Variants in NCOA2 observed in about 807,000 individuals in gnomAD.
NCOA2 encodes the protein class E basic helix-loop-helix protein 75.
Under a neutral mutation model 145.1 loss-of-function variants are expected in NCOA2, and 21 were observed. The observed-to-expected ratio is 0.14, with a 90% CI of 0.10 to 0.21. The LOEUF (loss-of-function observed/expected upper bound fraction) is 0.21, where lower values mean the gene tolerates loss of function less well. Among genes scored for constraint, NCOA2 ranks in the 10% least tolerant of loss-of-function variants. The pLI is 1.00. For missense variants in NCOA2, 1,472 were observed against 1,837.6 expected (o/e 0.80, Z 3.64); for synonymous variants, 619 against 637.5 (o/e 0.97, Z 0.44).
intron 1 of NCOA2, among the ~76,000 whole-genome samples, chr8:70,393,498 C>T (rs571824930): frequency 4.8e-4 from 73 of 152,260 alleles, no homozygotes; most frequent in Non-Finnish European, 9.3e-4. Flanking sequence ...CTTCCCTCCC[C>T]ACCAAAGGTC....
At chr8:70,249,982 AGAAGAAG>A (rs1822997478) in intron 2 of NCOA2, among the ~76,000 whole-genome samples, 1 of 148,098 alleles carries the variant, frequency 6.8e-6, no homozygotes, top group Non-Finnish European at 1.5e-5. Flanking sequence ...AAAAAAAAGA[AGAAGAAG>A]AAGAAGAAGA....
At chr8:70,304,323 G>A (rs1827717328) in intron 1 of NCOA2, among the ~76,000 whole-genome samples, 1 of 152,108 alleles carries the variant, frequency 6.6e-6, no homozygotes, top group South Asian at 2.1e-4. Context: ...ATAGTAACAT[G>A]CTACACAGGT....
chr8:70,374,621 A>T (rs1366759731), intron 1 of NCOA2, among the ~76,000 whole-genome samples: 3 of 151,932 alleles, frequency 2.0e-5, no homozygotes, highest in Non-Finnish European at 2.9e-5. Context: ...TGGGAAACAA[A>T]TCCAGACCCC....
intron 4 of NCOA2, among the ~76,000 whole-genome samples, chr8:70,194,676 C>CTTTTTTTTTTT (rs199803538): frequency 3.6e-5 from 4 of 109,892 alleles, no homozygotes; most frequent in Non-Finnish European, 5.8e-5. Context: ...CTTTTATCTT[C>CTTTTTTTTTTT]TTTTTTTTTT....
At chr8:70,334,058 A>G (rs1023937698) in intron 1 of NCOA2, among the ~76,000 whole-genome samples, 2 of 152,088 alleles carry the variant, frequency 1.3e-5, no homozygotes, top group Non-Finnish European at 2.9e-5. Flanking sequence ...AATTCACTCT[A>G]CATACTGCTA....
chr8:70,217,132 G>C (rs939981969), intron 2 of NCOA2, among the ~76,000 whole-genome samples: 1 of 152,196 alleles, frequency 6.6e-6, no homozygotes, highest in African/African-American at 2.4e-5. Context: ...TACAGGTGTT[G>C]TAAGGGGCTC....
At chr8:70,226,796 T>C (rs944854480) in intron 2 of NCOA2, among the ~76,000 whole-genome samples, 8 of 152,020 alleles carry the variant, frequency 5.3e-5, no homozygotes, top group East Asian at 1.9e-4. Context: ...TTTAACTATA[T>C]GGACTTCTCA....
At chr8:70,191,913 C>T (rs542183521) in intron 4 of NCOA2, among the ~76,000 whole-genome samples, 3 of 151,968 alleles carry the variant, frequency 2.0e-5, no homozygotes, top group Admixed American at 2.0e-4. Context: ...TGGTGGAAGG[C>T]GCCTGTAATC....
At chr8:70,329,062 C>G (rs1158148083) in intron 1 of NCOA2, among the ~76,000 whole-genome samples, 1 of 151,946 alleles carries the variant, frequency 6.6e-6, no homozygotes, top group African/African-American at 2.4e-5. Context: ...TCAAATAATC[C>G]TCCTGCCTCA....
At chr8:70,144,579 GGATA>G in intron 13 of NCOA2, 59 bp downstream of exon 13, 1 of 1,346,000 alleles carries the variant, frequency 7.4e-7, no homozygotes, top group Non-Finnish European at 1.1e-6. Flanking sequence ...AGTTTGATGT[GGATA>G]AATATACCAT....
At chr8:70,277,328 T>C (rs535574557) in intron 2 of NCOA2, among the ~76,000 whole-genome samples, 1 of 152,284 alleles carries the variant, frequency 6.6e-6, no homozygotes, top group East Asian at 1.9e-4. Context: ...ATCTCTTGCC[T>C]TTTCTGTTTT....
chr8:70,393,648 G>C (rs985002499), intron 1 of NCOA2, among the ~76,000 whole-genome samples: 9 of 152,134 alleles, frequency 5.9e-5, no homozygotes, highest in Admixed American at 5.9e-4. Flanking sequence ...CACATGTAGG[G>C]CCAGGCCAGG....
the NCOA2 span, among the ~76,000 whole-genome samples, chr8:70,428,848 C>T: frequency 7.9e-6 from 1 of 126,338 alleles, no homozygotes; most frequent in African/African-American, 3.1e-5. Context: ...AACATGTGCC[C>T]ATGCCGAGCT....
At chr8:70,441,124 G>A in the NCOA2 span, among the ~76,000 whole-genome samples, 1 of 2,944 alleles carries the variant, frequency 3.4e-4, no homozygotes, top group South Asian at 0.014. Context: ...GAAAGAAAGA[G>A]AAAGAAAGAA....
At chr8:70,356,062 T>G (rs1287281996) in intron 1 of NCOA2, among the ~76,000 whole-genome samples, 1 of 152,216 alleles carries the variant, frequency 6.6e-6, no homozygotes, top group East Asian at 1.9e-4. Context: ...ATTTTCATAC[T>G]TCTCAGACTA....
chr8:70,404,388 C>G (rs1394977201), upstream of NCOA2, among the ~76,000 whole-genome samples: 1 of 152,144 alleles, frequency 6.6e-6, no homozygotes. Flanking sequence ...GAGCCGAGTT[C>G]CAGGGTCGCC....
intron 2 of NCOA2, among the ~76,000 whole-genome samples, chr8:70,225,604 A>G (rs947729203): frequency 3.3e-5 from 5 of 151,946 alleles, no homozygotes; most frequent in Non-Finnish European, 7.4e-5. Flanking sequence ...AAGAGAAGAA[A>G]AACAAGGCAG....
intron 2 of NCOA2, among the ~76,000 whole-genome samples, chr8:70,268,568 T>C (rs1824797004): frequency 6.6e-6 from 1 of 152,240 alleles, no homozygotes; most frequent in Non-Finnish European, 1.5e-5. Flanking sequence ...AATTACTATA[T>C]AATGCTTAAG....
At chr8:70,277,745 C>A (rs1338696528) in intron 2 of NCOA2, among the ~76,000 whole-genome samples, 2 of 152,142 alleles carry the variant, frequency 1.3e-5, no homozygotes, top group Non-Finnish European at 2.9e-5. Context: ...GAATACACTA[C>A]AATTTATCCA....
Sources: gnomAD v4.1 joint callset for allele counts (sites outside exome capture counted in the v4.1 genomes callset) on GRCh38, gnomAD v4.1.1 for gene constraint, MANE v1.5 for transcripts, NCBI Gene and HGNC (gene_info 2026-07-23, HGNC 2026-07-21) for gene names.